The following SNTG1 variants were observed in gnomAD, a reference collection of about 807,000 sequenced individuals.
The protein encoded by SNTG1 is syntrophin gamma 1, also known as gamma-1-syntrophin.
SNTG1 carries 39 observed loss-of-function variants against 74.7 expected under a neutral mutation model. That is an observed-to-expected ratio of 0.52 (90% CI 0.40 to 0.68). The LOEUF is 0.68. Among genes scored for constraint, SNTG1 ranks in the 30% least tolerant of loss-of-function variants. The probability of loss-of-function intolerance (pLI) is 0.00; values close to 1 mark genes in which losing one functional copy is unlikely to be tolerated. For missense variants in SNTG1, 685 were observed against 609.5 expected (o/e 1.12, Z -1.30); for synonymous variants, 254 against 217.1 (o/e 1.17, Z -1.49).
chr8:50,132,453 G>A (rs1410766268), intron 1 of SNTG1, among the ~76,000 whole-genome samples: 1 of 152,074 alleles, frequency 6.6e-6, no homozygotes, highest in Non-Finnish European at 1.5e-5. Flanking sequence ...CTGCTTCCAA[G>A]TTACAATAAT....
intron 15 of SNTG1, among the ~76,000 whole-genome samples, chr8:50,668,474 C>T (rs550856192): frequency 4.7e-5 from 7 of 150,108 alleles, no homozygotes; most frequent in Non-Finnish European, 1.0e-4. Context: ...CTAGAGATAC[C>T]TATGTTCTTC....
chr8:50,773,822 A>G (rs1585757364), intron 18 of SNTG1, among the ~76,000 whole-genome samples: 2 of 152,298 alleles, frequency 1.3e-5, no homozygotes, highest in East Asian at 3.9e-4. Context: ...ATTGTGTATT[A>G]CAAATATATT....
At chr8:50,667,438 G>C (rs1465654681) in intron 15 of SNTG1, among the ~76,000 whole-genome samples, 1 of 152,006 alleles carries the variant, frequency 6.6e-6, no homozygotes, top group East Asian at 1.9e-4. Context: ...TGAAGTCCAA[G>C]AGCATGATGC....
At chr8:50,462,531 G>A (rs985704037) in intron 8 of SNTG1, among the ~76,000 whole-genome samples, 6 of 151,900 alleles carry the variant, frequency 3.9e-5, no homozygotes, top group African/African-American at 7.3e-5. Flanking sequence ...AAAATTTTCC[G>A]TAATGTGATG....
At chr8:50,677,473 T>C (rs2095313720) in intron 15 of SNTG1, among the ~76,000 whole-genome samples, 1 of 151,970 alleles carries the variant, frequency 6.6e-6, no homozygotes, top group Non-Finnish European at 1.5e-5. Flanking sequence ...GGTGCCAATC[T>C]CAAGGATTCA....
chr8:49,997,509 A>G (rs1024995424), intron 1 of SNTG1, among the ~76,000 whole-genome samples: 3 of 152,106 alleles, frequency 2.0e-5, no homozygotes, highest in African/African-American at 4.8e-5. Flanking sequence ...AATTCCTTCA[A>G]GTCCTATTTC....
At chr8:50,577,185 G>A (rs1248457965) in intron 12 of SNTG1, among the ~76,000 whole-genome samples, 1 of 152,110 alleles carries the variant, frequency 6.6e-6, no homozygotes, top group Non-Finnish European at 1.5e-5. Context: ...TATCATAAAA[G>A]AGTGTAGAAT....
intron 1 of SNTG1, among the ~76,000 whole-genome samples, chr8:50,009,958 T>G (rs1815614104): frequency 6.6e-6 from 1 of 152,218 alleles, no homozygotes; most frequent in African/African-American, 2.4e-5. Context: ...ATCGTGCCAT[T>G]GCACTCTAGC....
At chr8:49,928,913 G>A (rs1017144025) in intron 1 of SNTG1, among the ~76,000 whole-genome samples, 1 of 151,876 alleles carries the variant, frequency 6.6e-6, no homozygotes, top group South Asian at 2.1e-4. Flanking sequence ...AGATGACTAA[G>A]CATCCATGTC....
chr8:50,200,224 C>A (rs772474969), intron 2 of SNTG1, among the ~76,000 whole-genome samples: 2 of 152,076 alleles, frequency 1.3e-5, no homozygotes, highest in Non-Finnish European at 2.9e-5. Flanking sequence ...ACTGAAAAAA[C>A]AAGGCATCAA....
chr8:50,000,831 G>A (rs962948789), intron 1 of SNTG1, among the ~76,000 whole-genome samples: 26 of 152,170 alleles, frequency 1.7e-4, no homozygotes, highest in Admixed American at 1.3e-3. Flanking sequence ...CTTCCTGTCA[G>A]TAGCAGACAA....
intron 1 of SNTG1, among the ~76,000 whole-genome samples, chr8:50,053,201 G>A (rs1038138098): frequency 6.6e-6 from 1 of 152,092 alleles, no homozygotes; most frequent in African/African-American, 2.4e-5. Flanking sequence ...CTGATGAATG[G>A]ATGAACAAAA....
chr8:50,139,585 C>G (rs1214656210), intron 1 of SNTG1, among the ~76,000 whole-genome samples: 3 of 152,156 alleles, frequency 2.0e-5, no homozygotes, highest in Non-Finnish European at 4.4e-5. Context: ...TATTAAAAGT[C>G]CATCAGTGAA....
intron 2 of SNTG1, among the ~76,000 whole-genome samples, chr8:50,271,949 G>C (rs537331695): frequency 6.6e-6 from 1 of 152,230 alleles, no homozygotes; most frequent in East Asian, 1.9e-4. Context: ...TCATAAAAGA[G>C]ACCCCAGGGA....
chr8:50,579,522 C>A (rs2094596636), intron 12 of SNTG1, among the ~76,000 whole-genome samples: 1 of 152,108 alleles, frequency 6.6e-6, no homozygotes, highest in Non-Finnish European at 1.5e-5. Context: ...CCCATCACAG[C>A]CACAGAGGAA....
At chr8:49,967,578 T>A (rs1397781509) in intron 1 of SNTG1, among the ~76,000 whole-genome samples, 1 of 71,900 alleles carries the variant, frequency 1.4e-5, no homozygotes, top group African/African-American at 6.0e-5. Flanking sequence ...TTAATTCGAA[T>A]TGGTTAATTT....
chr8:50,757,090 T>C (rs1346857654), intron 18 of SNTG1, among the ~76,000 whole-genome samples: 1 of 151,738 alleles, frequency 6.6e-6, no homozygotes, highest in Non-Finnish European at 1.5e-5. Flanking sequence ...TGGTATCAGC[T>C]CTTGGTTTGG....
chr8:50,630,881 T>G (rs1186532805), intron 13 of SNTG1, among the ~76,000 whole-genome samples: 2 of 152,212 alleles, frequency 1.3e-5, no homozygotes, highest in Admixed American at 1.3e-4. Flanking sequence ...TGCCTAACCT[T>G]TTGGAATGCC....
At chr8:50,027,781 T>C (rs1817392869) in intron 1 of SNTG1, among the ~76,000 whole-genome samples, 1 of 152,214 alleles carries the variant, frequency 6.6e-6, no homozygotes, top group South Asian at 2.1e-4. Context: ...ACACAATTCA[T>C]TGTAAATAGC....
Sources: gnomAD v4.1 joint callset for allele counts (sites outside exome capture counted in the v4.1 genomes callset) on GRCh38, gnomAD v4.1.1 for gene constraint, MANE v1.5 for transcripts, NCBI Gene and HGNC (gene_info 2026-07-23, HGNC 2026-07-21) for gene names.